ASAP1: variants seen among roughly 807,000 people sequenced by gnomAD.
The protein encoded by ASAP1 is arf-GAP with SH3 domain, ANK repeat and PH domain-containing protein 1.
A neutral mutation model predicts 145.2 loss-of-function variants in ASAP1; 43 were observed. That is an observed-to-expected ratio of 0.30 (90% confidence interval 0.23 to 0.38). ASAP1 has a LOEUF of 0.38. Ranked by LOEUF, ASAP1 falls within the 10% of genes least tolerant of loss-of-function variation. The pLI is 1.00. For synonymous variants in ASAP1, 546 were observed against 515.5 expected (o/e 1.06, Z -0.80); for missense variants, 1,018 against 1,355.3 (o/e 0.75, Z 3.91).
rs745635876 is a variant in ASAP1 at position 130,092,056 on chromosome 8, G to C, written c.2489C>G (p.Pro830Arg). Residue 830 changes from proline to arginine, a missense_variant, in exon 25 of 30, where the codon CCA becomes CGA. Around this residue, in one of 9 missense-constraint regions of ASAP1, gnomAD observed 353 missense variants for 375.4 expected, o/e 0.94. Coordinates refer to ENST00000518721, the MANE Select transcript of ASAP1 (RefSeq NM_018482.4). Reference sequence around the variant, plus strand: ...TAGGGTTCTCTTGTGTCCGGGTGGTGGGGGAGGAGGCCTCTTCTTGGATAG... The same window carrying C: ...TAGGGTTCTCTTGTGTCCGGGTGGTCGGGGAGGAGGCCTCTTCTTGGATAG... ...STLSKKRPPPPPPGHKRTLSD... is the reference protein window; with the variant it reads ...STLSKKRPPPRPPGHKRTLSD... 1 of 1,573,342 alleles carries C rather than the reference G, an allele frequency of 6.4e-7. No homozygotes were observed. Among genetic ancestry groups the C allele is most frequent in the South Asian group, 1.2e-5 (1 of 86,834 alleles).
At chr8:130,328,561 T>A (rs1014379859) in intron 3 of ASAP1, among the ~76,000 whole-genome samples, 3 of 151,732 alleles carry the variant, frequency 2.0e-5, no homozygotes, top group Non-Finnish European at 4.4e-5. Context: ...TGGGCAGTTT[T>A]AAGACAAAAA....
intron 2 of ASAP1, chr8:130,361,729 A>G (rs1420118421): frequency 6.5e-7 from 1 of 1,535,910 alleles, no homozygotes; most frequent in Admixed American, 2.0e-5. Context: ...AACCATCTGC[A>G]CCTCTCATTT....
chr8:130,424,242 C>T (rs1305798605), intron 1 of ASAP1, among the ~76,000 whole-genome samples: 1 of 152,216 alleles, frequency 6.6e-6, no homozygotes, highest in African/African-American at 2.4e-5. Flanking sequence ...CTGGTCTATA[C>T]AGGCAAACTC....
chr8:130,305,678 C>T (rs895238526), intron 3 of ASAP1, among the ~76,000 whole-genome samples: 12 of 152,094 alleles, frequency 7.9e-5, no homozygotes, highest in African/African-American at 2.7e-4. Context: ...CCAGCCTATT[C>T]ATTCATTTTT....
intron 2 of ASAP1, among the ~76,000 whole-genome samples, chr8:130,383,292 G>C (rs1411245129): frequency 2.0e-5 from 3 of 152,206 alleles, no homozygotes; most frequent in Non-Finnish European, 4.4e-5. Context: ...GCATATGCCT[G>C]CAGCCAGTGA....
At chr8:130,123,614 T>G (rs1455905587) in intron 18 of ASAP1, among the ~76,000 whole-genome samples, 1 of 148,166 alleles carries the variant, frequency 6.7e-6, no homozygotes, top group African/African-American at 2.4e-5. Context: ...AAACAAACAC[T>G]GTAAAAAACT....
intron 24 of ASAP1, among the ~76,000 whole-genome samples, chr8:130,092,966 T>C (rs1223219672): frequency 6.6e-6 from 1 of 150,848 alleles, no homozygotes; most frequent in African/African-American, 2.4e-5. Context: ...AATTAAGGCT[T>C]TTCTAAATAA....
chr8:130,402,984 T>C (rs1828865777), intron 1 of ASAP1, among the ~76,000 whole-genome samples: 3 of 151,804 alleles, frequency 2.0e-5, no homozygotes, highest in African/African-American at 7.3e-5. Flanking sequence ...GAGAAGTGTA[T>C]CATATACCCC....
intron 23 of ASAP1, among the ~76,000 whole-genome samples, chr8:130,113,304 C>G (rs959012267): frequency 6.6e-6 from 1 of 152,132 alleles, no homozygotes; most frequent in African/African-American, 2.4e-5. Flanking sequence ...CAGACTCTAC[C>G]ATGACTCCTT....
chr8:130,420,199 T>C (rs1829659211), intron 1 of ASAP1, among the ~76,000 whole-genome samples: 2 of 149,000 alleles, frequency 1.3e-5, no homozygotes, highest in Admixed American at 1.3e-4. Context: ...CACAGTAAGA[T>C]AAAACCTCAC....
chr8:130,072,094 A>G (rs2097447885), intron 27 of ASAP1, among the ~76,000 whole-genome samples: 1 of 152,178 alleles, frequency 6.6e-6, no homozygotes, highest in Non-Finnish European at 1.5e-5. Context: ...GTCCTACCCT[A>G]TACCCTGGGG....
At chr8:130,062,189 C>T (rs1286459442) in intron 27 of ASAP1, among the ~76,000 whole-genome samples, 1 of 152,160 alleles carries the variant, frequency 6.6e-6, no homozygotes, top group Non-Finnish European at 1.5e-5. Flanking sequence ...GGCACAAGGG[C>T]CAAGGACATA....
intron 1 of ASAP1, among the ~76,000 whole-genome samples, chr8:130,433,084 C>A (rs1565312168): frequency 6.6e-6 from 1 of 152,192 alleles, no homozygotes; most frequent in African/African-American, 2.4e-5. Flanking sequence ...AGTAACTGTC[C>A]TACGAGAGGA....
intron 27 of ASAP1, among the ~76,000 whole-genome samples, chr8:130,072,832 G>GT (rs61663506): frequency 5.2e-4 from 6 of 11,642 alleles, no homozygotes; most frequent in South Asian, 2.6e-3. Context: ...TGTGCGCGCG[G>GT]GGGGGGGCAG....
chr8:130,371,358 C>G (rs1320422776), intron 2 of ASAP1, among the ~76,000 whole-genome samples: 3 of 152,148 alleles, frequency 2.0e-5, no homozygotes, highest in Non-Finnish European at 4.4e-5. Context: ...AAACCGCACT[C>G]TCTGTACAAA....
chr8:130,386,373 G>A (rs1828016686), intron 2 of ASAP1, among the ~76,000 whole-genome samples: 1 of 152,176 alleles, frequency 6.6e-6, no homozygotes, highest in South Asian at 2.1e-4. Context: ...TGCTGACCAC[G>A]GAGGTAACAC....
At chr8:130,146,303 C>A (rs559616603) in intron 13 of ASAP1, among the ~76,000 whole-genome samples, 3 of 152,134 alleles carry the variant, frequency 2.0e-5, no homozygotes, top group Non-Finnish European at 2.9e-5. Flanking sequence ...GTAAAAAAAA[C>A]CTTTTTACCC....
At chr8:130,360,382 CTGTTA>C (rs749144749) in intron 2 of ASAP1, among the ~76,000 whole-genome samples, 2 of 152,204 alleles carry the variant, frequency 1.3e-5, no homozygotes, top group African/African-American at 2.4e-5. Flanking sequence ...CAGGACCTGG[CTGTTA>C]TGTTGAGTTC....
intron 2 of ASAP1, among the ~76,000 whole-genome samples, chr8:130,366,651 A>G (rs1308214739): frequency 6.6e-6 from 1 of 152,170 alleles, no homozygotes; most frequent in Non-Finnish European, 1.5e-5. Flanking sequence ...CCTGGGGTTC[A>G]ATCTCAGTGC....
Sources: gnomAD v4.1 joint callset for allele counts (sites outside exome capture counted in the v4.1 genomes callset) on GRCh38, gnomAD v4.1.1 for gene constraint, gnomAD v4.1.1 regional missense constraint, MANE v1.5 for transcripts, NCBI Gene and HGNC (gene_info 2026-07-23, HGNC 2026-07-21) for gene names.